Variants in DCDC1 observed in about 807,000 individuals in gnomAD.
DCDC1 encodes doublecortin domain containing 1, also known as doublecortin domain-containing protein 1.
In DCDC1, 200 loss-of-function variants were observed where a neutral mutation model predicts 178.3. That is an observed-to-expected ratio of 1.12 (90% CI 1.00 to 1.26). The LOEUF (loss-of-function observed/expected upper bound fraction) is 1.26. DCDC1 is among the 50% of genes most tolerant of loss of function. The pLI is 0.00. For missense variants in DCDC1, 1,983 were observed against 1,749.2 expected, an observed-to-expected ratio of 1.13 and a Z score of -2.38; for synonymous variants, 690 against 604.8, an observed-to-expected ratio of 1.14 and a Z score of -2.07.
intron 9 of DCDC1, among the ~76,000 whole-genome samples, chr11:31,176,263 A>G (rs1968001352): frequency 6.6e-6 from 1 of 152,230 alleles, no homozygotes; most frequent in Non-Finnish European, 1.5e-5. Flanking sequence ...AATAAATGAT[A>G]TAATTGAGAG....
intron 20 of DCDC1, among the ~76,000 whole-genome samples, chr11:30,971,656 C>G (rs947582532): frequency 4.6e-5 from 6 of 129,554 alleles, no homozygotes; most frequent in African/African-American, 1.8e-4. Flanking sequence ...GCCACCCAGG[C>G]TGGAGTGCAG....
At chr11:31,225,716 T>C (rs1273830507) in intron 9 of DCDC1, among the ~76,000 whole-genome samples, 1 of 150,680 alleles carries the variant, frequency 6.6e-6, no homozygotes, top group Admixed American at 6.7e-5. Context: ...TAGGTAGATA[T>C]ATATCTATAT....
intron 16 of DCDC1, among the ~76,000 whole-genome samples, chr11:31,093,330 C>G (rs933285275): frequency 1.3e-5 from 2 of 152,174 alleles, no homozygotes; most frequent in Admixed American, 6.5e-5. Flanking sequence ...CTCCTCCCAG[C>G]AAACTTCATT....
intron 20 of DCDC1, among the ~76,000 whole-genome samples, chr11:31,040,605 AAAAC>A (rs1954379281): frequency 6.6e-6 from 1 of 152,210 alleles, no homozygotes; most frequent in Non-Finnish European, 1.5e-5. Flanking sequence ...TTTCTACTGA[AAAAC>A]AAAAGGCGTT....
chr11:31,057,000 G>A (rs1258343236), intron 20 of DCDC1, among the ~76,000 whole-genome samples: 1 of 152,070 alleles, frequency 6.6e-6, no homozygotes, highest in Non-Finnish European at 1.5e-5. Context: ...GGGAGGCTGA[G>A]GCAGGTGGAT....
At position 30,943,791 on chromosome 11, in the gene DCDC1, A is replaced by G. The variant is rs191188257; in HGVS notation, c.2715+8654T>C. On this transcript the variant is annotated intron_variant, in intron 21 of 38. Transcript: ENST00000684477. ...TTAAATGCTGTTTGTTCATAAAAAT[A>G]TTATCAATTGCCTTTTAGTATGAAT... The G allele has an allele frequency of 3.7e-5, 12 of 328,304 alleles. No homozygotes were observed. The East Asian group carries it at 9.5e-4, about 26-fold the overall frequency. The allele number at this position is 328,304 out of a possible 1,614,324, so 20.3% of individuals were successfully genotyped here. A position where few individuals can be genotyped will look rare whatever the true frequency, so the allele number is the denominator to read the frequency against.
chr11:30,900,409 G>C lies in DCDC1; in HGVS notation c.4600C>G (p.Leu1534Val). Residue 1534 changes from leucine to valine, a missense_variant, in exon 33 of 39, where the codon CTC (leucine) becomes GTC (valine). Coordinates refer to ENST00000684477, the MANE Select transcript of DCDC1 (RefSeq NM_001387274.1). ...LDGIDKSLLTLILRNPIAIWV... is the reference protein window; with the variant it reads ...LDGIDKSLLTVILRNPIAIWV... ...ATGGCAATAGGATTTCTGAGGATGA[G>C]GGTAAGCAAAGACTTGTCTATACCA... The C allele has an allele frequency of 2.5e-6, 4 of 1,582,328 alleles. No individual in the cohort carries two copies. Among genetic ancestry groups the C allele is most frequent in the Non-Finnish European group, 3.4e-6 (4 of 1,163,482 alleles).
At chr11:31,125,787 TG>T (rs957009908) in intron 11 of DCDC1, among the ~76,000 whole-genome samples, 2 of 151,576 alleles carry the variant, frequency 1.3e-5, no homozygotes, top group Non-Finnish European at 2.9e-5. Flanking sequence ...GGCGGTTGGG[TG>T]GGGGGTAGAG....
chr11:30,985,987 G>A (rs114145618), intron 20 of DCDC1, among the ~76,000 whole-genome samples: 70 of 152,144 alleles, frequency 4.6e-4, no homozygotes, highest in African/African-American at 1.5e-3. Context: ...GCTCAGCAGC[G>A]TCTAGCAGAA....
chr11:31,063,311 G>T (rs187894455), intron 20 of DCDC1, among the ~76,000 whole-genome samples: 1 of 152,142 alleles, frequency 6.6e-6, no homozygotes, highest in Admixed American at 6.5e-5. Flanking sequence ...CAGGGATCTA[G>T]AACTAGAAAT....
intron 9 of DCDC1, among the ~76,000 whole-genome samples, chr11:31,233,237 C>T (rs1400249144): frequency 6.6e-6 from 1 of 152,146 alleles, no homozygotes; most frequent in Non-Finnish European, 1.5e-5. Context: ...TCTATTCATG[C>T]TAGTCTTTCT....
intron 8 of DCDC1, among the ~76,000 whole-genome samples, chr11:31,251,309 G>A (rs1944014504): frequency 6.6e-6 from 1 of 152,172 alleles, no homozygotes; most frequent in African/African-American, 2.4e-5. Context: ...TGGGATCACA[G>A]GGTATCCAGA....
chr11:30,891,801 T>C (rs1267492476), intron 36 of DCDC1, among the ~76,000 whole-genome samples: 1 of 152,232 alleles, frequency 6.6e-6, no homozygotes, highest in Non-Finnish European at 1.5e-5. Flanking sequence ...AAATTGGTTG[T>C]CAACTTCTGA....
chr11:31,310,308 A>ATTT (rs11407483), intron 3 of DCDC1, among the ~76,000 whole-genome samples: 1,009 of 53,852 alleles, frequency 0.019, 199 homozygotes, highest in African/African-American at 0.074. Context: ...GTAATTCTTG[A>ATTT]TTTTTTTTTT....
chr11:31,127,209 G>A (rs1020615022), intron 11 of DCDC1, among the ~76,000 whole-genome samples: 5 of 152,272 alleles, frequency 3.3e-5, no homozygotes, highest in East Asian at 1.9e-4. Context: ...ATGTTCACAT[G>A]AGTAAATTCC....
chr11:31,341,026 A>C (rs1258755783), intron 1 of DCDC1, among the ~76,000 whole-genome samples: 1 of 152,180 alleles, frequency 6.6e-6, no homozygotes, highest in Non-Finnish European at 1.5e-5. Flanking sequence ...CTGATGAGTA[A>C]GAGATGTCCA....
chr11:31,321,544 G>A (rs550295331), intron 3 of DCDC1, among the ~76,000 whole-genome samples: 194 of 152,180 alleles, frequency 1.3e-3, no homozygotes, highest in African/African-American at 4.5e-3. Flanking sequence ...ACTGGCCTGC[G>A]CCCACTGTCT....
intron 20 of DCDC1, among the ~76,000 whole-genome samples, chr11:31,018,938 A>T (rs1351098960): frequency 6.6e-6 from 1 of 152,134 alleles, no homozygotes; most frequent in Non-Finnish European, 1.5e-5. Flanking sequence ...TAAGGATGAG[A>T]TGGGGGACTC....
At position 30,931,787 on chromosome 11, in the gene DCDC1, G is replaced by A. The variant is rs554266885; in HGVS notation, c.2881C>T (p.Pro961Ser). The A allele has an allele frequency of 1.0e-4, 161 of 1,611,604 alleles. 1 individual carries two copies. The South Asian group carries it at 1.6e-3, about 16-fold the overall frequency. Residue 961 changes from proline (P) to serine (S), a missense_variant, in exon 22 of 39, where the codon CCT becomes TCT. Transcript: ENST00000684477. Reference sequence around the variant, plus strand: ...TGTTCTTACTGCGTTTTCCGTCCAGGTGAGATATCTGGACCAAGGATAGTA... The same window carrying A: ...TGTTCTTACTGCGTTTTCCGTCCAGATGAGATATCTGGACCAAGGATAGTA... ...SVTILGPDIS[P>S]GRKTQCTEIL...
Sources: allele counts gnomAD v4.1 joint callset (sites outside exome capture counted in the v4.1 genomes callset), GRCh38; gene constraint gnomAD v4.1.1; transcripts MANE v1.5; gene names NCBI Gene and HGNC (gene_info 2026-07-23, HGNC 2026-07-21).